Variants in MGAT4C observed in about 807,000 individuals in gnomAD.
MGAT4C encodes the protein alpha-1,3-mannosyl-glycoprotein 4-beta-N-acetylglucosaminyltransferase C.
In MGAT4C, 19 loss-of-function variants were observed where a neutral mutation model predicts 40.1. That is an observed-to-expected ratio of 0.47 (90% CI 0.33 to 0.70). The LOEUF (loss-of-function observed/expected upper bound fraction) is 0.70, where lower values mean the gene tolerates loss of function less well. Ranked by LOEUF, MGAT4C falls within the 30% of genes least tolerant of loss-of-function variation. The probability of loss-of-function intolerance (pLI) is 0.02; values close to 1 mark genes in which losing one functional copy is unlikely to be tolerated. For missense variants in MGAT4C, 491 were observed against 563.2 expected, an observed-to-expected ratio of 0.87 and a Z score of 1.30; for synonymous variants, 181 against 187.1, an observed-to-expected ratio of 0.97 and a Z score of 0.27.
At position 86,430,479 on chromosome 12, in the gene MGAT4C, G is replaced by A. The variant is rs182370522; in HGVS notation, c.-120+4678C>T. 3.0e-4 allele frequency among the ~76,000 whole-genome samples: 45 copies of A among 152,296 alleles called. 1 individual carries two copies. The highest frequency in any genetic ancestry group is 7.5e-4 in the African/African-American group (31 of 41,570). ...CTGGGGACATCCTTGGGGAGGCAGA[G>A]CTTTCTGTGAGATCTCTAGTTAGTG... On this transcript the variant is annotated intron_variant, in intron 3 of 7. Coordinates refer to the MGAT4C transcript ENST00000548651.
chr12:85,993,834 T>A (rs531409582), intron 2 of MGAT4C, among the ~76,000 whole-genome samples: 32 of 152,140 alleles, frequency 2.1e-4, no homozygotes, highest in African/African-American at 7.7e-4. Flanking sequence ...GATGCATTTG[T>A]TGACTGCCAC....
At chr12:86,309,291 A>G (rs1391973865) in intron 4 of MGAT4C, among the ~76,000 whole-genome samples, 3 of 152,218 alleles carry the variant, frequency 2.0e-5, no homozygotes, top group South Asian at 2.1e-4. Context: ...CAAAAAACTT[A>G]GTTGCCAAAT....
rs368724760 is a variant in MGAT4C, at chr12:86,478,115, C to A, written c.-228-42850G>T. ...AAATTAAATAGTAAACAGTCCCTAA[C>A]TTCAAGTTGTTCATAATTTATCACA... On this transcript the variant is annotated intron_variant, in intron 2 of 7. Coordinates refer to the MGAT4C transcript ENST00000548651. 1.9e-4 allele frequency among the ~76,000 whole-genome samples: 29 copies of A among 152,240 alleles called. No individual in the cohort carries two copies. In the East Asian group the frequency reaches 4.3e-3, roughly 22 times the overall value.
chr12:86,507,110 A>G (rs948390535), intron 2 of MGAT4C, among the ~76,000 whole-genome samples: 1 of 152,214 alleles, frequency 6.6e-6, no homozygotes, highest in East Asian at 1.9e-4. Flanking sequence ...GGCAAACAAC[A>G]TATTTGCACT....
chr12:86,003,822 T>TC (rs145661645), intron 2 of MGAT4C, among the ~76,000 whole-genome samples: 5 of 152,024 alleles, frequency 3.3e-5, no homozygotes, highest in Non-Finnish European at 7.4e-5. Flanking sequence ...GATTTTTTTT[T>TC]CTGTGGAAAA....
intron 3 of MGAT4C, among the ~76,000 whole-genome samples, chr12:86,363,968 TCTCTCA>T (rs752144659): frequency 4.5e-4 from 36 of 80,008 alleles, no homozygotes; most frequent in Admixed American, 1.6e-3. Context: ...TCTCTCTCTC[TCTCTCA>T]CACACACACA....
intron 1 of MGAT4C, among the ~76,000 whole-genome samples, chr12:86,786,577 C>T (rs1274970723): frequency 1.3e-5 from 2 of 151,756 alleles, no homozygotes; most frequent in Non-Finnish European, 2.9e-5. Flanking sequence ...AACTTCTGCT[C>T]AAACTTTTTT....
intron 4 of MGAT4C, among the ~76,000 whole-genome samples, chr12:86,300,245 C>T (rs2136138517): frequency 6.6e-6 from 1 of 152,214 alleles, no homozygotes; most frequent in Non-Finnish European, 1.5e-5. Context: ...CACTGTGATG[C>T]AGGTCATCAA....
At chr12:86,184,097 C>A (rs549525693) in intron 1 of MGAT4C, among the ~76,000 whole-genome samples, 2 of 152,264 alleles carry the variant, frequency 1.3e-5, no homozygotes, top group East Asian at 3.9e-4. Context: ...AATCACTAAT[C>A]AATTTTTATT....
intron 2 of MGAT4C, among the ~76,000 whole-genome samples, chr12:86,587,540 C>A (rs1445571021): frequency 6.6e-6 from 1 of 151,892 alleles, no homozygotes; most frequent in African/African-American, 2.4e-5. Flanking sequence ...TTACCTTGGG[C>A]AGTATGGCCA....
intron 1 of MGAT4C, among the ~76,000 whole-genome samples, chr12:86,736,783 A>G (rs1950992144): frequency 6.6e-6 from 1 of 151,834 alleles, no homozygotes. Context: ...ACAAATTACA[A>G]AAACTGTCTC....
At chr12:86,782,118 G>C (rs931930521) in intron 1 of MGAT4C, among the ~76,000 whole-genome samples, 4 of 122,574 alleles carry the variant, frequency 3.3e-5, no homozygotes, top group African/African-American at 1.3e-4. Context: ...TCAGCCTTCT[G>C]AGTAGCTGGG....
chr12:86,284,068 T>G (rs1953285924), intron 4 of MGAT4C, among the ~76,000 whole-genome samples: 1 of 152,094 alleles, frequency 6.6e-6, no homozygotes, highest in Non-Finnish European at 1.5e-5. Context: ...TTGTATCATC[T>G]AAGCTAAATG....
intron 4 of MGAT4C, among the ~76,000 whole-genome samples, chr12:85,982,226 C>A (rs1331166926): frequency 1.3e-5 from 2 of 152,154 alleles, no homozygotes; most frequent in African/African-American, 4.8e-5. Flanking sequence ...GTTGCCCAGG[C>A]TGGAATGCAG....
At chr12:86,806,518 C>A (rs1593225094) in intron 1 of MGAT4C, among the ~76,000 whole-genome samples, 1 of 151,686 alleles carries the variant, frequency 6.6e-6, no homozygotes, top group African/African-American at 2.4e-5. Context: ...TTCATATATA[C>A]ACTACTACAC....
chr12:86,267,232 A>G (rs906472423), intron 4 of MGAT4C, among the ~76,000 whole-genome samples: 1 of 152,034 alleles, frequency 6.6e-6, no homozygotes, highest in African/African-American at 2.4e-5. Context: ...CAGATATTGA[A>G]GCTATAAAGT....
chr12:86,087,137 G>A (rs1872006158), intron 1 of MGAT4C, among the ~76,000 whole-genome samples: 1 of 152,058 alleles, frequency 6.6e-6, no homozygotes, highest in Non-Finnish European at 1.5e-5. Flanking sequence ...AAACATGAGA[G>A]TGCAGACATC....
chr12:86,326,305 C>CACACAT (rs2136168156), intron 4 of MGAT4C, among the ~76,000 whole-genome samples: 1 of 148,888 alleles, frequency 6.7e-6, no homozygotes, highest in African/African-American at 2.5e-5. Context: ...ATCACACACA[C>CACACAT]ACACACACAC....
rs150065734 is a variant in MGAT4C, at chr12:86,035,106, G to A, written c.-7+14568C>T. On this transcript the variant is annotated intron_variant, in intron 2 of 4. Transcript: ENST00000611864. ...TGGGTACATACCCAGTAATGGGATTGCTGGGTCATATAGTATTTCTAGTTC... is the reference window on the plus strand; with the variant it reads ...TGGGTACATACCCAGTAATGGGATTACTGGGTCATATAGTATTTCTAGTTC... Among the ~76,000 whole-genome samples the A allele has an allele frequency of 2.1e-3, 318 of 150,150 alleles. 7 individuals carry two copies. The highest frequency in any genetic ancestry group is 7.4e-3 in the African/African-American group (305 of 41,374).
Sources: gnomAD v4.1 joint callset for allele counts (sites outside exome capture counted in the v4.1 genomes callset) on GRCh38, gnomAD v4.1.1 for gene constraint, MANE v1.5 for transcripts, NCBI Gene and HGNC (gene_info 2026-07-23, HGNC 2026-07-21) for gene names.